Variants in NOTCH2NLR observed in about 807,000 individuals in gnomAD.
The protein encoded by NOTCH2NLR is notch 2 N-terminal like R (pseudogene).
NOTCH2NLR carries 33 observed loss-of-function variants against 35.6 expected under a neutral mutation model. The ratio of observed to expected loss-of-function variants is 0.93; its 90% confidence interval spans 0.70 to 1.24. The LOEUF (loss-of-function observed/expected upper bound fraction) is 1.24, where lower values mean the gene tolerates loss of function less well. Among genes scored for constraint, NOTCH2NLR ranks in the 50% most tolerant of loss-of-function variants. NOTCH2NLR has a pLI of 0.00. For synonymous variants in NOTCH2NLR, 103 were observed against 141.0 expected (o/e 0.73, Z 1.91); for missense variants, 276 against 362.2 (o/e 0.76, Z 1.93).
chr1:120,761,971 GCCTCT>G (rs1651140053), intron 1 of NOTCH2NLR, among the ~76,000 whole-genome samples: 2 of 91,986 alleles, frequency 2.2e-5, no homozygotes, highest in Non-Finnish European at 3.9e-5. Context: ...ATTCTCTCTG[GCCTCT>G]ACTATTGGTA....
At chr1:120,752,552 ATATT>A (rs1651032075) in intron 1 of NOTCH2NLR, among the ~76,000 whole-genome samples, 1 of 8,976 alleles carries the variant, frequency 1.1e-4, no homozygotes, top group Non-Finnish European at 1.7e-4. Flanking sequence ...ATATATATAT[ATATT>A]TTTTTTTTTT....
At position 120,764,178 on chromosome 1, in the gene NOTCH2NLR, C is replaced by T. The variant is rs1276986062; in HGVS notation, c.155+469C>T. Among the ~76,000 whole-genome samples the T allele has an allele frequency of 3.1e-4, 35 of 113,944 alleles. 9 individuals are homozygous for T. Among genetic ancestry groups the T allele is most frequent in the Middle Eastern group, 3.8e-3 (1 of 262 alleles). The allele number at this position is 113,944 out of a possible 152,430, so 74.8% of individuals were successfully genotyped here. On this transcript the variant is annotated intron_variant, in intron 2 of 4. Coordinates refer to ENST00000624419, the Ensembl canonical transcript of NOTCH2NLR. ...AGGAGAGTGACTTGAACCCAGGAGG[C>T]GGAGGTTGCAGTGAGCTGAGACCAC...
intron 1 of NOTCH2NLR, among the ~76,000 whole-genome samples, chr1:120,730,521 T>C (rs1650864142): frequency 1.0e-5 from 1 of 96,202 alleles, no homozygotes; most frequent in Non-Finnish European, 1.9e-5. Context: ...GATATGCTCA[T>C]AGGCTTGAGA....
At chr1:120,759,724 A>T (rs1651113200) in intron 1 of NOTCH2NLR, among the ~76,000 whole-genome samples, 1 of 113,502 alleles carries the variant, frequency 8.8e-6, no homozygotes, top group Non-Finnish European at 1.7e-5. Flanking sequence ...TTGTCAATTT[A>T]TAGTTGTATA....
chr1:120,763,922 T>C (rs1651160471), intron 2 of NOTCH2NLR, among the ~76,000 whole-genome samples: 1 of 106,704 alleles, frequency 9.4e-6, no homozygotes, highest in East Asian at 2.2e-4. Context: ...TTTCTCACTA[T>C]GAAAAAGACT....
intron 2 of NOTCH2NLR, among the ~76,000 whole-genome samples, chr1:120,765,151 T>A (rs1349175539): frequency 8.2e-6 from 1 of 122,052 alleles, no homozygotes; most frequent in Non-Finnish European, 1.6e-5. Context: ...CTCATTTAGT[T>A]TTTCTAGCTG....
chr1:120,765,704 A>G (rs1337096084), intron 2 of NOTCH2NLR, among the ~76,000 whole-genome samples: 2 of 110,492 alleles, frequency 1.8e-5, no homozygotes, highest in African/African-American at 4.3e-5. Context: ...AGCACTATTT[A>G]CAGTAGGAAA....
At position 120,754,202 on chromosome 1, in the gene NOTCH2NLR, C is replaced by CA. The variant is rs1176118362; in HGVS notation, c.74-9413dup. Among the ~76,000 whole-genome samples the CA allele has an allele frequency of 5.0e-3, 72 of 14,502 alleles. 29 individuals are homozygous for CA. Among genetic ancestry groups the CA allele is most frequent in the East Asian group, 0.018 (12 of 666 alleles). The allele number at this position is 14,502 out of a possible 152,430, so 9.5% of individuals were successfully genotyped here. A position where few individuals can be genotyped will look rare whatever the true frequency, so the allele number is the denominator to read the frequency against. ...TGGGCGACAGAGCGAGACTCCATCT[C>CA]AAAAAAAAAAAAAGCTTTAAAAAGG... On this transcript the variant is annotated intron_variant, in intron 1 of 4. Transcript: ENST00000624419.
exon 4 of NOTCH2NLR, chr1:120,793,229 G>C: frequency 6.9e-7 from 1 of 1,441,464 alleles, no homozygotes; most frequent in Non-Finnish European, 9.3e-7. Context: ...CTGTACCACT[G>C]TGGCCAACCA....
At chr1:120,724,228 G>C in exon 1 of NOTCH2NLR, 2 of 1,405,562 alleles carry the variant, frequency 1.4e-6, no homozygotes, top group South Asian at 2.5e-5. Context: ...CGCTCTGGCT[G>C]TGCTGGGCGG....
intron 3 of NOTCH2NLR, among the ~76,000 whole-genome samples, chr1:120,790,534 C>CT (rs1651475697): frequency 1.1e-5 from 1 of 87,626 alleles, no homozygotes; most frequent in Non-Finnish European, 2.1e-5. Context: ...CTTTCTCCCT[C>CT]CCTTTCTTTC....
rs1265072999 is a variant in NOTCH2NLR, at chr1:120,728,629, G to A, written c.73+4379G>A. Among the ~76,000 whole-genome samples the A allele has an allele frequency of 1.6e-4, 19 of 117,112 alleles. 6 individuals carry two copies. The highest frequency in any genetic ancestry group is 2.0e-4 in the African/African-American group (4 of 20,082). The allele number at this position is 117,112 out of a possible 152,430, so 76.8% of individuals were successfully genotyped here. A position where few individuals can be genotyped will look rare whatever the true frequency, so the allele number is the denominator to read the frequency against. ...AATTTCTGTTATTTTGTCCAGAATA[G>A]CCACACCTTACTGTAATTTCATCAT... On this transcript the variant is annotated intron_variant, in intron 1 of 4. Transcript: ENST00000624419.
chr1:120,728,033 T>C (rs1650834780), intron 1 of NOTCH2NLR, among the ~76,000 whole-genome samples: 1 of 118,588 alleles, frequency 8.4e-6, no homozygotes, highest in Admixed American at 8.0e-5. Context: ...CCAATTAGAG[T>C]TGAGACTAGA....
chr1:120,727,944 T>G lies in NOTCH2NLR; in HGVS notation c.73+3694T>G. ...CAGAATTCTTCTCCAGGTCTGTTAT[T>G]AATTGGTTTGGTGACCTTGTAGGAG... On this transcript the variant is annotated intron_variant, in intron 1 of 4. Transcript: ENST00000624419. Among the ~76,000 whole-genome samples, 2 of 119,268 alleles carry G rather than the reference T, an allele frequency of 1.7e-5. 1 individual carries two copies. The highest frequency in any genetic ancestry group is 1.6e-4 in the Admixed American group (2 of 12,522). The allele number at this position is 119,268 out of a possible 152,430, so 78.2% of individuals were successfully genotyped here.
In NOTCH2NLR at chr1:120,737,718, G is replaced by T. The variant is rs1343777473; in HGVS notation, c.73+13468G>T. Among the ~76,000 whole-genome samples, 9 of 125,066 alleles carry T rather than the reference G, an allele frequency of 7.2e-5. 2 individuals carry two copies. Among genetic ancestry groups the T allele is most frequent in the African/African-American group, 3.5e-4 (9 of 25,984 alleles). The allele number at this position is 125,066 out of a possible 152,430, so 82.0% of individuals were successfully genotyped here. Reference sequence around the variant, plus strand: ...TGTACTAGTTGAGACAACTCGGCAGGTCTGGTGTCATTAGTGATTCAGAAT... The same window carrying T: ...TGTACTAGTTGAGACAACTCGGCAGTTCTGGTGTCATTAGTGATTCAGAAT... On this transcript the variant is annotated intron_variant, in intron 1 of 4. Coordinates refer to ENST00000624419, the Ensembl canonical transcript of NOTCH2NLR.
At position 120,763,583 on chromosome 1, in the gene NOTCH2NLR, A is replaced by G. The variant is rs1341307125; in HGVS notation, c.74-45A>G. On this transcript the variant is annotated intron_variant, in intron 1 of 4. Transcript: ENST00000624419. ...TACACTTCTTTGGTGTCTGAGGGTT[A>G]TGATTAGTGACTTACTTCTAATGTG... 8.5e-5 allele frequency: 71 copies of G among 832,920 alleles called. 17 individuals are homozygous for G. Among genetic ancestry groups the G allele is most frequent in the Non-Finnish European group, 1.5e-5 (8 of 541,012 alleles). The allele number at this position is 832,920 out of a possible 1,614,324, so 51.6% of individuals were successfully genotyped here. A position where few individuals can be genotyped will look rare whatever the true frequency, so the allele number is the denominator to read the frequency against.
rs1453355606 is a variant in NOTCH2NLR, at chr1:120,728,407, C to A, written c.73+4157C>A. 1.8e-5 allele frequency among the ~76,000 whole-genome samples: 2 copies of A among 109,096 alleles called. 1 individual carries two copies. The highest frequency in any genetic ancestry group is 3.4e-5 in the Non-Finnish European group (2 of 58,400). The allele number at this position is 109,096 out of a possible 152,430, so 71.6% of individuals were successfully genotyped here. Reference sequence around the variant, plus strand: ...GGGGAAAAACCAAATTTTTCCCTTCCCCAGATGTTTCATTTAAACTTGTAA... The same window carrying A: ...GGGGAAAAACCAAATTTTTCCCTTCACCAGATGTTTCATTTAAACTTGTAA... On this transcript the variant is annotated intron_variant, in intron 1 of 4. Transcript: ENST00000624419.
chr1:120,769,868 C>A (rs1651241717), intron 2 of NOTCH2NLR, among the ~76,000 whole-genome samples: 2 of 106,934 alleles, frequency 1.9e-5, no homozygotes, highest in African/African-American at 8.6e-5. Context: ...GCCTTCTGTA[C>A]AGGGGCCGCC....
chr1:120,737,711 T>C lies in NOTCH2NLR; in HGVS notation c.73+13461T>C, dbSNP rs1268032030. Among the ~76,000 whole-genome samples the C allele has an allele frequency of 4.8e-5, 6 of 125,068 alleles. No individual in the cohort carries two copies. In the South Asian group the frequency reaches 1.4e-3, roughly 30 times the overall value. 82.0% of individuals were successfully genotyped at this position (125,068 alleles called of 152,430 possible). ...ACTTCTTTGTACTAGTTGAGACAAC[T>C]CGGCAGGTCTGGTGTCATTAGTGAT... On this transcript the variant is annotated intron_variant, in intron 1 of 4. Coordinates refer to ENST00000624419, the Ensembl canonical transcript of NOTCH2NLR.
Sources: allele counts gnomAD v4.1 joint callset (sites outside exome capture counted in the v4.1 genomes callset), GRCh38; gene constraint gnomAD v4.1.1; transcripts MANE v1.5; gene names NCBI Gene and HGNC (gene_info 2026-07-23, HGNC 2026-07-21).